The following FAN1 variants were observed in gnomAD, a reference collection of about 807,000 sequenced individuals.
FAN1 encodes FANCD2 and FANCI associated nuclease 1, also known as fanconi-associated nuclease 1.
In FAN1, 91 loss-of-function variants were observed where a neutral mutation model predicts 104.9. The ratio of observed to expected loss-of-function variants is 0.87; its 90% confidence interval spans 0.73 to 1.03. The LOEUF (loss-of-function observed/expected upper bound fraction) is 1.03, where lower values mean the gene tolerates loss of function less well. FAN1 is among the 50% of genes least tolerant of loss of function. FAN1 has a pLI of 0.00. For synonymous variants in FAN1, 478 were observed against 457.6 expected (o/e 1.04, Z -0.57); for missense variants, 1,263 against 1,239.9 (o/e 1.02, Z -0.28).
In FAN1 at chr15:30,937,278, T is replaced by C; in HGVS notation, c.*3+19T>C. On this transcript the variant is annotated intron_variant, in intron 14 of 14. Transcript: ENST00000362065. ...CTAAAAGGTATGGAATTGGGGATAT[T>C]TGGTCATACATTAATGTAAGATTTT... The C allele has an allele frequency of 1.3e-6, 2 of 1,592,544 alleles. No homozygotes were observed. Among genetic ancestry groups the C allele is most frequent in the South Asian group, 2.3e-5 (2 of 86,954 alleles).
At chr15:30,940,976 C>T in intron 14 of FAN1, 1 of 1,115,868 alleles carries the variant, frequency 9.0e-7, no homozygotes, top group Non-Finnish European at 1.1e-6. Context: ...AAATTCTGGC[C>T]CCAGAACACT....
At chr15:30,930,099 G>A (rs1033551857) in intron 12 of FAN1, among the ~76,000 whole-genome samples, 2 of 149,652 alleles carry the variant, frequency 1.3e-5, no homozygotes, top group South Asian at 4.2e-4. Flanking sequence ...CACTGTTAGT[G>A]ATGGAAACAT....
At chr15:30,933,109 T>A (rs949225355) in intron 13 of FAN1, among the ~76,000 whole-genome samples, 1 of 152,198 alleles carries the variant, frequency 6.6e-6, no homozygotes, top group African/African-American at 2.4e-5. Context: ...TCTTTTCTCT[T>A]TTTTCCCTAA....
chr15:30,905,757 G>A lies in FAN1; in HGVS notation c.1094G>A (p.Gly365Asp). The A allele has an allele frequency of 6.2e-7, 1 of 1,614,166 alleles. No homozygotes were observed. The highest frequency in any genetic ancestry group is 2.2e-5 in the East Asian group (1 of 44,890). Residue 365 changes from glycine to aspartate, a missense_variant, in exon 2 of 15, where the codon GGT becomes GAT. Physicochemically the swap from Gly to Asp is moderately conservative, Grantham distance 94. Coordinates refer to ENST00000362065, the MANE Select transcript of FAN1 (RefSeq NM_014967.5). The part of the protein sequence containing the change: ...IPLEQGSSCN[G>D]PGQTTGHPYY... ...TTGGAGCAGGGGTCAAGCTGCAATG[G>A]TCCTGGTCAAACAACCGGTCATCCT...
intron 4 of FAN1, among the ~76,000 whole-genome samples, chr15:30,913,343 T>G (rs542941167): frequency 6.6e-6 from 1 of 152,318 alleles, no homozygotes; most frequent in East Asian, 1.9e-4. Flanking sequence ...TTCTCTTCCA[T>G]GAAACCACTC....
intron 10 of FAN1, chr15:30,928,100 C>A: frequency 1.0e-6 from 1 of 1,000,744 alleles, no homozygotes; most frequent in Non-Finnish European, 1.2e-6. Flanking sequence ...TGCTGCCGGC[C>A]TCCGGGAGGT....
intron 6 of FAN1, among the ~76,000 whole-genome samples, chr15:30,919,086 G>C (rs2062255494): frequency 6.6e-6 from 1 of 152,138 alleles, no homozygotes; most frequent in Admixed American, 6.5e-5. Context: ...TGTTATTAAG[G>C]AAAATCATAA....
At chr15:30,936,611 T>C (rs1426035885) in intron 13 of FAN1, among the ~76,000 whole-genome samples, 1 of 152,028 alleles carries the variant, frequency 6.6e-6, no homozygotes, top group African/African-American at 2.4e-5. Flanking sequence ...TCTCAACTTA[T>C]GATGGCCTTA....
intron 14 of FAN1, among the ~76,000 whole-genome samples, chr15:30,938,025 A>G (rs1325211875): frequency 6.6e-6 from 1 of 151,812 alleles, no homozygotes; most frequent in Non-Finnish European, 1.5e-5. Context: ...TCTACTAAAA[A>G]TACAAAAAAT....
intron 5 of FAN1, among the ~76,000 whole-genome samples, chr15:30,916,650 C>T (rs757677102): frequency 3.3e-5 from 5 of 152,148 alleles, no homozygotes; most frequent in Admixed American, 6.5e-5. Flanking sequence ...TGTTGTCTAC[C>T]TCTGTACTTG....
intron 2 of FAN1, among the ~76,000 whole-genome samples, chr15:30,907,081 T>A (rs28536030): frequency 4.6e-5 from 7 of 151,932 alleles, no homozygotes; most frequent in East Asian, 1.9e-4. Flanking sequence ...TTTTTTTTTT[T>A]AATTTTAAGT....
At chr15:30,934,150 C>CCTTT (rs1442259882) in intron 13 of FAN1, among the ~76,000 whole-genome samples, 2 of 152,104 alleles carry the variant, frequency 1.3e-5, no homozygotes, top group African/African-American at 4.8e-5. Flanking sequence ...ATGAGTCTAC[C>CCTTT]CTTTTATCAT....
At chr15:30,935,726 T>C (rs1236872565) in intron 13 of FAN1, among the ~76,000 whole-genome samples, 3 of 152,178 alleles carry the variant, frequency 2.0e-5, no homozygotes, top group Non-Finnish European at 4.4e-5. Flanking sequence ...CACCTTTGTT[T>C]TTGAAAGATA....
At chr15:30,940,835 A>T (rs2063021202) in intron 14 of FAN1, 1 of 988,946 alleles carries the variant, frequency 1.0e-6, no homozygotes, top group Admixed American at 6.0e-5. Context: ...TTCTAAGTTT[A>T]ATTATCTGCA....
chr15:30,935,269 C>A (rs2062820195), intron 13 of FAN1, among the ~76,000 whole-genome samples: 1 of 151,702 alleles, frequency 6.6e-6, no homozygotes, highest in South Asian at 2.1e-4. Flanking sequence ...GATCATACCA[C>A]TGTATACCAG....
chr15:30,924,663 G>A (rs756527003), intron 8 of FAN1, among the ~76,000 whole-genome samples: 1 of 152,156 alleles, frequency 6.6e-6, no homozygotes, highest in Non-Finnish European at 1.5e-5. Context: ...CAGCTCCATG[G>A]TTCTTGACTG....
chr15:30,938,896 A>G (rs2062945192), intron 14 of FAN1: 1 of 984,342 alleles, frequency 1.0e-6, no homozygotes, highest in Non-Finnish European at 1.2e-6. Context: ...CACCTCTTCT[A>G]TCAATCACTG....
chr15:30,905,681 CCT>C lies in FAN1; in HGVS notation c.1021_1022del (p.Leu341AlafsTer3). 6.2e-7 allele frequency: 1 copy of C among 1,614,144 alleles called. No homozygotes were observed. Among genetic ancestry groups the C allele is most frequent in the Non-Finnish European group, 8.5e-7 (1 of 1,179,990 alleles). On this transcript the variant is annotated frameshift_variant, in exon 2 of 15. Coordinates refer to ENST00000362065, the MANE Select transcript of FAN1 (RefSeq NM_014967.5). LOFTEE classifies it high-confidence loss of function. ...ASAWSNIQEAPLQDDSCLNND... is the reference protein window; with the variant it reads ...ASAWSNIQEAXLQDDSCLNND... ...TGCATGGAGTAACATCCAAGAGGCT[CCT>C]CTGCAGGATGACAGTTGCTTAAACA...
chr15:30,938,632 G>A (rs2062936157), intron 14 of FAN1, among the ~76,000 whole-genome samples: 1 of 152,220 alleles, frequency 6.6e-6, no homozygotes, highest in African/African-American at 2.4e-5. Context: ...AGGCCCGGGA[G>A]TCAGGGACTG....
Sources: gnomAD v4.1 joint callset for allele counts (sites outside exome capture counted in the v4.1 genomes callset) on GRCh38, gnomAD v4.1.1 for gene constraint, MANE v1.5 for transcripts, NCBI Gene and HGNC (gene_info 2026-07-23, HGNC 2026-07-21) for gene names.